GRID1: variants seen among roughly 807,000 people sequenced by gnomAD.
GRID1 encodes glutamate receptor ionotropic, delta-1.
Under a neutral mutation model 98.0 loss-of-function variants are expected in GRID1, and 28 were observed. The observed-to-expected ratio is 0.29, with a 90% CI of 0.21 to 0.39. The LOEUF is 0.39. GRID1 is among the 10% of genes least tolerant of loss of function. The pLI is 1.00. For missense variants in GRID1, 1,111 were observed against 1,340.5 expected (o/e 0.83, Z 2.67); for synonymous variants, 553 against 538.5 (o/e 1.03, Z -0.37).
At chr10:85,604,761 T>C (rs1398588894) in intron 15 of GRID1, among the ~76,000 whole-genome samples, 1 of 152,246 alleles carries the variant, frequency 6.6e-6, no homozygotes, top group East Asian at 1.9e-4. Context: ...TTCTATTTTA[T>C]TTGCTTTGTT....
At chr10:86,281,744 T>C (rs1336018427) in intron 2 of GRID1, among the ~76,000 whole-genome samples, 2 of 152,136 alleles carry the variant, frequency 1.3e-5, no homozygotes, top group African/African-American at 4.8e-5. Context: ...AAAATGTAGA[T>C]GCCCATGTCC....
intron 3 of GRID1, among the ~76,000 whole-genome samples, chr10:86,174,987 A>G (rs571648590): frequency 9.9e-5 from 15 of 152,206 alleles, no homozygotes; most frequent in Admixed American, 7.8e-4. Context: ...AAAAGTCAGG[A>G]AACAACAGGT....
At chr10:85,767,160 T>C (rs977961066) in intron 8 of GRID1, among the ~76,000 whole-genome samples, 2 of 152,208 alleles carry the variant, frequency 1.3e-5, no homozygotes, top group Admixed American at 1.3e-4. Context: ...GCACAGCTAT[T>C]TGTCTTATGA....
At chr10:85,751,780 A>T (rs189241346) in intron 8 of GRID1, among the ~76,000 whole-genome samples, 218 of 152,338 alleles carry the variant, frequency 1.4e-3, no homozygotes, top group African/African-American at 5.0e-3. Flanking sequence ...AAGTAAAAAA[A>T]TTATTGTTAA....
chr10:86,360,977 A>G (rs145558509), intron 2 of GRID1, among the ~76,000 whole-genome samples: 135 of 152,334 alleles, frequency 8.9e-4, no homozygotes, highest in African/African-American at 3.2e-3. Flanking sequence ...TCAAGCCCCC[A>G]TCTGCCTTTG....
intron 8 of GRID1, among the ~76,000 whole-genome samples, chr10:85,768,720 T>A (rs1173027998): frequency 6.6e-6 from 1 of 152,208 alleles, no homozygotes; most frequent in Non-Finnish European, 1.5e-5. Flanking sequence ...TTGGCAAAAA[T>A]CCCAGTTTGG....
chr10:86,361,724 T>C (rs1036050745), intron 2 of GRID1, among the ~76,000 whole-genome samples: 9 of 152,188 alleles, frequency 5.9e-5, no homozygotes, highest in African/African-American at 2.2e-4. Context: ...TAAATCAAAA[T>C]TTACATTAAG....
intron 4 of GRID1, among the ~76,000 whole-genome samples, chr10:85,988,928 C>A (rs1392829643): frequency 6.6e-6 from 1 of 152,168 alleles, no homozygotes; most frequent in Non-Finnish European, 1.5e-5. Flanking sequence ...GCAGGGCACA[C>A]CTTTTGGGGC....
intron 4 of GRID1, among the ~76,000 whole-genome samples, chr10:86,082,966 G>T (rs12763086): frequency 6.6e-6 from 1 of 152,168 alleles, no homozygotes; most frequent in Admixed American, 6.5e-5. Context: ...GCAAGGAATT[G>T]TCTGCCTTTT....
intron 2 of GRID1, among the ~76,000 whole-genome samples, chr10:86,210,961 G>A (rs770976709): frequency 2.3e-4 from 35 of 152,246 alleles, no homozygotes; most frequent in Non-Finnish European, 4.8e-4. Flanking sequence ...CCACCTGGCC[G>A]GAGTCCGGGG....
intron 3 of GRID1, among the ~76,000 whole-genome samples, chr10:86,169,468 C>T (rs989320290): frequency 6.6e-6 from 1 of 152,218 alleles, no homozygotes; most frequent in African/African-American, 2.4e-5. Flanking sequence ...CAGCTTCCAG[C>T]ATGCCCCTGC....
chr10:86,228,101 G>GTGAGTAGGTGGGTGGATGAA (rs1846385149), intron 2 of GRID1, among the ~76,000 whole-genome samples: 2 of 151,258 alleles, frequency 1.3e-5, no homozygotes, highest in East Asian at 3.9e-4. Context: ...AGGTGAGTGG[G>GTGAGTAGGTGGGTGGATGAA]TGAGTAGGTG....
At chr10:85,968,060 T>C (rs1842359907) in intron 4 of GRID1, among the ~76,000 whole-genome samples, 1 of 152,116 alleles carries the variant, frequency 6.6e-6, no homozygotes, top group Admixed American at 6.5e-5. Context: ...ATAATCTGAA[T>C]TAACATACAA....
chr10:85,622,309 G>C (rs1262973021), intron 13 of GRID1, among the ~76,000 whole-genome samples: 1 of 151,362 alleles, frequency 6.6e-6, no homozygotes, highest in African/African-American at 2.4e-5. Flanking sequence ...GAAGTCCGGA[G>C]GAGACAGTAG....
intron 12 of GRID1, among the ~76,000 whole-genome samples, chr10:85,712,144 G>T (rs1841588333): frequency 1.3e-5 from 2 of 151,626 alleles, no homozygotes; most frequent in South Asian, 4.1e-4. Flanking sequence ...TAGCAAAATG[G>T]TAGAGCTAAG....
intron 4 of GRID1, among the ~76,000 whole-genome samples, chr10:86,104,525 C>T (rs1318874043): frequency 2.6e-5 from 4 of 152,330 alleles, no homozygotes; most frequent in South Asian, 4.1e-4. Flanking sequence ...TTCACAAGGC[C>T]CCCAGCCCTA....
At chr10:85,839,373 T>G (rs191798152) in intron 8 of GRID1, among the ~76,000 whole-genome samples, 1 of 152,316 alleles carries the variant, frequency 6.6e-6, no homozygotes, top group East Asian at 1.9e-4. Flanking sequence ...ATTTTACAAT[T>G]GATCACATAA....
At chr10:85,638,679 A>T (rs886690503) in intron 13 of GRID1, among the ~76,000 whole-genome samples, 1 of 152,224 alleles carries the variant, frequency 6.6e-6, no homozygotes. Flanking sequence ...TATAGTACTT[A>T]TATTTGATCA....
chr10:85,897,810 A>G (rs1271294262), intron 5 of GRID1, among the ~76,000 whole-genome samples: 4 of 152,136 alleles, frequency 2.6e-5, no homozygotes, highest in Non-Finnish European at 5.9e-5. Context: ...CATACTGTAC[A>G]ATAGATCCCC....
Sources: allele counts gnomAD v4.1 joint callset (sites outside exome capture counted in the v4.1 genomes callset), GRCh38; gene constraint gnomAD v4.1.1; transcripts MANE v1.5; gene names NCBI Gene and HGNC (gene_info 2026-07-23, HGNC 2026-07-21).